Variants in CCPG1 observed in about 807,000 individuals in gnomAD.
CCPG1 encodes the protein cell cycle progression protein 1.
A neutral mutation model predicts 81.3 loss-of-function variants in CCPG1; 46 were observed. That is an observed-to-expected ratio of 0.57 (90% CI 0.45 to 0.72). CCPG1 has a LOEUF of 0.72. CCPG1 is among the 30% of genes least tolerant of loss of function. The probability of loss-of-function intolerance (pLI) is 0.00; values close to 1 mark genes in which losing one functional copy is unlikely to be tolerated. For missense variants in CCPG1, 902 were observed against 937.6 expected (o/e 0.96, Z 0.50); for synonymous variants, 330 against 305.2 (o/e 1.08, Z -0.85).
rs2056071956 is a variant in CCPG1, at chr15:55,356,053, AGAC to A, written c.*164_*166del. The A allele has an allele frequency of 1.7e-6, 1 of 585,280 alleles. No individual in the cohort carries two copies. Among genetic ancestry groups the A allele is most frequent in the Non-Finnish European group, 2.8e-6 (1 of 352,012 alleles). 36.3% of individuals were successfully genotyped at this position (585,280 alleles called of 1,614,324 possible). Reference sequence around the variant, plus strand: ...AAACTACAGGAAAATGCAGGTTAGTAGACTTTTAACTAATGCTTCTGAGGAATA... The same window carrying A: ...AAACTACAGGAAAATGCAGGTTAGTATTTTAACTAATGCTTCTGAGGAATA... On this transcript the variant is annotated 3_prime_UTR_variant, in exon 9 of 9. Transcript: ENST00000442196.
At chr15:55,368,905 A>G (rs566628023) in intron 6 of CCPG1, among the ~76,000 whole-genome samples, 1 of 152,108 alleles carries the variant, frequency 6.6e-6, no homozygotes, top group Admixed American at 6.5e-5. Context: ...TAAGGTCAGG[A>G]GTTCGAGACC....
chr15:55,371,764 T>C (rs2056454578), intron 6 of CCPG1, 29 bp downstream of exon 6: 1 of 1,605,250 alleles, frequency 6.2e-7, no homozygotes, highest in Non-Finnish European at 8.5e-7. Flanking sequence ...TCCCATCAGG[T>C]TATGTATAAC....
chr15:55,371,744 C>A, intron 6 of CCPG1, 49 bp downstream of exon 6: 1 of 1,572,832 alleles, frequency 6.4e-7, no homozygotes. Context: ...TCTTAAGTTC[C>A]TCTACACTAT....
At chr15:55,358,073 G>A (rs1156836951) in intron 8 of CCPG1, 1 of 152,184 alleles carries the variant, frequency 6.6e-6, no homozygotes, top group Non-Finnish European at 1.5e-5. Context: ...TAAGGATTAA[G>A]GATGATTAAG....
chr15:55,357,285 T>A (rs1257926644), intron 8 of CCPG1: 2 of 981,838 alleles, frequency 2.0e-6, no homozygotes, highest in Admixed American at 1.2e-4. Context: ...TACTTTCTAC[T>A]TCTCCTTCAC....
intron 6 of CCPG1, among the ~76,000 whole-genome samples, chr15:55,368,212 A>G (rs1467034321): frequency 2.0e-5 from 3 of 152,110 alleles, no homozygotes; most frequent in African/African-American, 7.2e-5. Context: ...ATATCAAGGG[A>G]TGACTATAAT....
In CCPG1 at chr15:55,360,365, C is replaced by T; in HGVS notation, c.1408G>A (p.Gly470Arg). The T allele has an allele frequency of 6.2e-7, 1 of 1,613,898 alleles. No homozygotes were observed. ...GKQGTDGKKK[G>R]GRGSHRAKNK... ...TTAGCCCTGTGGCTTCCTCTGCCCCCTTTCTTTTTTCCATCTGTTCCTTGT... is the reference window on the plus strand; with the variant it reads ...TTAGCCCTGTGGCTTCCTCTGCCCCTTTTCTTTTTTCCATCTGTTCCTTGT... Residue 470 changes from glycine to arginine, a missense_variant, in exon 8 of 9, where the codon GGG becomes AGG. By Grantham distance (125) the Gly-to-Arg change is moderately radical (BLOSUM62 -2). This residue lies in a region of CCPG1 where 746 missense variants were observed against 728.6 expected (regional missense o/e 1.02). Coordinates refer to ENST00000442196, the MANE Select transcript of CCPG1 (RefSeq NM_001204450.2).
intron 8 of CCPG1, 84 bp downstream of exon 8, chr15:55,359,437 TAGAAACGGTAACCTTACA>T: frequency 6.8e-7 from 1 of 1,479,054 alleles, no homozygotes. Context: ...GCACAACTCT[TAGAAACGGTAACCTTACA>T]AGAAACTCAT....
intron 1 of CCPG1, among the ~76,000 whole-genome samples, chr15:55,395,884 G>T (rs1373385623): frequency 6.6e-6 from 1 of 152,046 alleles, no homozygotes; most frequent in Admixed American, 6.6e-5. Context: ...GGCTGGGTGC[G>T]GTGGCTCACA....
chr15:55,402,955 G>T (rs1216250343), intron 1 of CCPG1, among the ~76,000 whole-genome samples: 1 of 152,144 alleles, frequency 6.6e-6, no homozygotes, highest in African/African-American at 2.4e-5. Context: ...AGTCAGGAGA[G>T]GAGCCAGGTT....
chr15:55,385,515 G>A, intron 3 of CCPG1, 85 bp downstream of exon 3: 1 of 661,658 alleles, frequency 1.5e-6, no homozygotes, highest in South Asian at 2.1e-5. Flanking sequence ...AGCCAGAAAG[G>A]CCACCCACCT....
Position 55,371,260 on chromosome 15 carries a change from T to C in CCPG1, c.706+533A>G, listed in dbSNP as rs1025541651. On this transcript the variant is annotated intron_variant, in intron 6 of 8. Transcript: ENST00000442196. ...CAACATATATAAACAGTATCAATCATAATAAAGAGCAAAGTATAAGAACAA... is the reference window on the plus strand; with the variant it reads ...CAACATATATAAACAGTATCAATCACAATAAAGAGCAAAGTATAAGAACAA... Among the ~76,000 whole-genome samples the C allele has an allele frequency of 1.8e-4, 28 of 152,212 alleles. 1 individual carries two copies. Among genetic ancestry groups the C allele is most frequent in the Non-Finnish European group, 4.4e-5 (3 of 68,036 alleles).
rs568813181 is a variant in CCPG1 at position 55,355,671 on chromosome 15, C to T, written c.*549G>A. 9.2e-6 allele frequency: 3 copies of T among 325,154 alleles called. No individual in the cohort carries two copies. The highest frequency in any genetic ancestry group is 9.4e-5 in the Admixed American group (2 of 21,184). 20.1% of individuals were successfully genotyped at this position (325,154 alleles called of 1,614,324 possible). A position where few individuals can be genotyped will look rare whatever the true frequency, so the allele number is the denominator to read the frequency against. On this transcript the variant is annotated 3_prime_UTR_variant, in exon 9 of 9. Coordinates refer to ENST00000442196, the MANE Select transcript of CCPG1 (RefSeq NM_001204450.2). ...TCATGGTGTAGTTTTATTGTTTCTT[C>T]CACGATATTCAGATGTGCAAAAAAT...
chr15:55,400,582 CA>C (rs11400162), intron 1 of CCPG1, among the ~76,000 whole-genome samples: 3 of 151,666 alleles, frequency 2.0e-5, no homozygotes, highest in Non-Finnish European at 3.0e-5. Flanking sequence ...ACAAAACAAA[CA>C]AAAAAAATTA....
rs945599733 is a variant in CCPG1, at chr15:55,364,083, A to G, written c.828+1105T>C. Among the ~76,000 whole-genome samples the G allele has an allele frequency of 4.0e-5, 6 of 150,306 alleles. 1 individual carries two copies. The highest frequency in any genetic ancestry group is 1.5e-4 in the African/African-American group (6 of 41,204). ...CTTCCCAAGGTTACCAACTTTGGGA[A>G]TTTGGGAGGTTGCCACCACACCCAG... On this transcript the variant is annotated intron_variant, in intron 7 of 8. Transcript: ENST00000442196.
intron 7 of CCPG1, among the ~76,000 whole-genome samples, chr15:55,363,445 A>G (rs1488507170): frequency 6.6e-6 from 1 of 150,712 alleles, no homozygotes; most frequent in Non-Finnish European, 1.5e-5. Context: ...CCAAAAGCCA[A>G]TGTTATCCTA....
intron 5 of CCPG1, chr15:55,374,088 C>A: frequency 3.4e-6 from 3 of 889,580 alleles, no homozygotes; most frequent in Non-Finnish European, 4.8e-6. Context: ...TTAAAGCACT[C>A]GGTAAATAGT....
At chr15:55,400,306 C>G (rs900477530) in intron 1 of CCPG1, among the ~76,000 whole-genome samples, 47 of 146,842 alleles carry the variant, frequency 3.2e-4, no homozygotes, top group African/African-American at 1.2e-3. Flanking sequence ...GTCATGAGTT[C>G]GAGACCAGCC....
At position 55,360,636 on chromosome 15, in the gene CCPG1, T is replaced by C; in HGVS notation, c.1137A>G (p.Ala379=). ...TCTCCAGTTCTCTCTTTAGCATCTT[T>C]GCTTCTGTCAACAGAGTCTCCCTTT... ...LSQRETLLTE[A]KMLKRELERE... The change falls in exon 8 of 9, where the codon GCA becomes GCG. Residue 379 remains alanine, a synonymous_variant. Transcript: ENST00000442196. 6.2e-7 allele frequency: 1 copy of C among 1,614,212 alleles called. No homozygotes were observed. The highest frequency in any genetic ancestry group is 8.5e-7 in the Non-Finnish European group (1 of 1,180,038).
Sources: allele counts gnomAD v4.1 joint callset (sites outside exome capture counted in the v4.1 genomes callset), GRCh38; gene constraint gnomAD v4.1.1; regional missense constraint gnomAD v4.1.1; transcripts MANE v1.5; gene names NCBI Gene and HGNC (gene_info 2026-07-23, HGNC 2026-07-21).